JHY: variants seen among roughly 807,000 people sequenced by gnomAD.
JHY encodes jhy protein homolog.
Under a neutral mutation model 78.0 loss-of-function variants are expected in JHY, and 69 were observed. The ratio of observed to expected loss-of-function variants is 0.88; its 90% CI spans 0.73 to 1.08. JHY has a LOEUF of 1.08. Ranked by LOEUF, JHY falls within the 50% of genes least tolerant of loss-of-function variation. The pLI is 0.00. For synonymous variants in JHY, 368 were observed against 342.6 expected, an observed-to-expected ratio of 1.07 and a Z score of -0.82; for missense variants, 944 against 927.8, an observed-to-expected ratio of 1.02 and a Z score of -0.23.
intron 1 of JHY, among the ~76,000 whole-genome samples, chr11:122,885,339 A>G (rs1862473046): frequency 6.6e-6 from 1 of 152,162 alleles, no homozygotes; most frequent in Non-Finnish European, 1.5e-5. Flanking sequence ...ATAGCCCCTG[A>G]ACCTGTTTTA....
intron 5 of JHY, among the ~76,000 whole-genome samples, chr11:122,938,514 A>G (rs556851554): frequency 6.6e-6 from 1 of 152,284 alleles, no homozygotes; most frequent in Non-Finnish European, 1.5e-5. Context: ...TAGATTTTCA[A>G]CAAGGCAAAA....
intron 3 of JHY, among the ~76,000 whole-genome samples, chr11:122,909,721 G>C (rs1863073394): frequency 6.6e-6 from 1 of 152,068 alleles, no homozygotes; most frequent in East Asian, 1.9e-4. Flanking sequence ...AGAGGTTGCA[G>C]TGAGCCAAGA....
At chr11:122,892,952 T>C (rs1862656862) in intron 2 of JHY, among the ~76,000 whole-genome samples, 1 of 152,186 alleles carries the variant, frequency 6.6e-6, no homozygotes, top group Admixed American at 6.5e-5. Context: ...TGAAGTTAGG[T>C]CTAATATGCT....
intron 8 of JHY, 57 bp downstream of exon 8, chr11:122,957,548 T>C (rs1404258688): frequency 6.7e-6 from 10 of 1,486,586 alleles, no homozygotes; most frequent in African/African-American, 3.2e-5. Context: ...AGGAAACTTT[T>C]ATTATCGCTT....
intron 5 of JHY, among the ~76,000 whole-genome samples, chr11:122,944,637 T>C (rs1048570336): frequency 2.0e-5 from 3 of 152,200 alleles, no homozygotes; most frequent in African/African-American, 7.2e-5. Context: ...ATTTAGCCAA[T>C]TGTTTATTAA....
rs1041840063 is a variant in JHY, at chr11:122,935,148, A to T, written c.1634+73A>T. 2.2e-6 allele frequency: 3 copies of T among 1,361,578 alleles called. No homozygotes were observed. The highest frequency in any genetic ancestry group is 2.9e-5 in the African/African-American group (2 of 68,104). The allele number at this position is 1,361,578 out of a possible 1,614,324, so 84.3% of individuals were successfully genotyped here. A position where few individuals can be genotyped will look rare whatever the true frequency, so the allele number is the denominator to read the frequency against. On this transcript the variant is annotated intron_variant, in intron 5 of 8. Coordinates refer to ENST00000227349, the MANE Select transcript of JHY (RefSeq NM_024806.4). This position sits in a 1 kb window ranked among gnomAD's most constrained non-coding sequence, Gnocchi z 4.5. ...ACTGCTGCAGAAAGACGGGAGAGGA[A>T]GAAGGGGAAGGGGAATCCATAAGGT...
intron 2 of JHY, among the ~76,000 whole-genome samples, chr11:122,886,826 T>C (rs1862506604): frequency 6.6e-6 from 1 of 152,188 alleles, no homozygotes; most frequent in South Asian, 2.1e-4. Context: ...TTGCTATGAA[T>C]GTCAATAAAG....
chr11:122,932,397 G>C (rs1863654660), intron 4 of JHY, among the ~76,000 whole-genome samples: 1 of 152,174 alleles, frequency 6.6e-6, no homozygotes, highest in Admixed American at 6.5e-5. Flanking sequence ...CTGTGAACAG[G>C]ATTGTCAGCA....
chr11:122,959,303 A>C lies in JHY; in HGVS notation c.2195A>C (p.Gln732Pro). The C allele has an allele frequency of 2.5e-6, 4 of 1,614,184 alleles. No homozygotes were observed. The highest frequency in any genetic ancestry group is 3.4e-6 in the Non-Finnish European group (4 of 1,180,030). Residue 732 changes from glutamine to proline, a missense_variant, in exon 9 of 9, where the codon CAA (glutamine) becomes CCA (proline). Coordinates refer to ENST00000227349, the MANE Select transcript of JHY (RefSeq NM_024806.4). ...CCCAAACCATCAAATCTGACTCATC[A>C]AGCATCAAAGGAACAAAAAAATCCA... The part of the protein sequence containing the change: ...PKPKPSNLTH[Q>P]ASKEQKNPTY...
intron 3 of JHY, chr11:122,905,049 A>G (rs1862956386): frequency 2.5e-6 from 2 of 814,516 alleles, no homozygotes; most frequent in Admixed American, 2.5e-5. Context: ...AGATGTTTCT[A>G]TAAACCCCAT....
intron 1 of JHY, among the ~76,000 whole-genome samples, chr11:122,884,123 C>T (rs1420836564): frequency 6.6e-6 from 1 of 152,080 alleles, no homozygotes; most frequent in African/African-American, 2.4e-5. Flanking sequence ...TACAACAAAC[C>T]AGTCTGTAAT....
chr11:122,905,054 C>A lies in JHY; in HGVS notation c.864+610C>A, dbSNP rs1453303819. 19 of 811,806 alleles carry A rather than the reference C, an allele frequency of 2.3e-5. No homozygotes were observed. In the East Asian group the frequency reaches 3.4e-4, roughly 15 times the overall value. 50.3% of individuals were successfully genotyped at this position (811,806 alleles called of 1,614,324 possible). A position where few individuals can be genotyped will look rare whatever the true frequency, so the allele number is the denominator to read the frequency against. ...TTCAATCTTCAGATGTTTCTATAAA[C>A]CCCATTGAAAATCACATCATTTGTT... On this transcript the variant is annotated intron_variant, in intron 3 of 8. Coordinates refer to ENST00000227349, the MANE Select transcript of JHY (RefSeq NM_024806.4).
chr11:122,888,489 G>A (rs58424601), intron 2 of JHY, among the ~76,000 whole-genome samples: 75 of 151,858 alleles, frequency 4.9e-4, no homozygotes, highest in African/African-American at 1.6e-3. Context: ...GAAGAAACTC[G>A]TCTAAGGTTA....
intron 2 of JHY, among the ~76,000 whole-genome samples, chr11:122,890,215 A>G (rs1364422211): frequency 6.6e-6 from 1 of 152,194 alleles, no homozygotes; most frequent in African/African-American, 2.4e-5. Context: ...TAGAATGCTT[A>G]TCATGAGCCC....
At chr11:122,922,569 T>TG (rs1345997714) in intron 3 of JHY, among the ~76,000 whole-genome samples, 1 of 150,936 alleles carries the variant, frequency 6.6e-6, no homozygotes, top group Non-Finnish European at 1.5e-5. Context: ...CCCAGCACTT[T>TG]GGAGGCCGAG....
intron 3 of JHY, among the ~76,000 whole-genome samples, chr11:122,911,980 T>G (rs1400747489): frequency 8.5e-5 from 12 of 140,612 alleles, no homozygotes; most frequent in South Asian, 2.3e-4. Flanking sequence ...TTTAATAAAG[T>G]GATGACTTTA....
chr11:122,960,673 A>T lies in JHY; in HGVS notation c.*1228A>T. ...GTAGGGTTACTTGTCTATGTAATTT[A>T]AAAATATGGTGCCTCTATTGGAGAA... On this transcript the variant is annotated 3_prime_UTR_variant, in exon 9 of 9. Coordinates refer to ENST00000227349, the MANE Select transcript of JHY (RefSeq NM_024806.4). The T allele has an allele frequency of 2.7e-6, 1 of 375,090 alleles. No individual in the cohort carries two copies. The highest frequency in any genetic ancestry group is 2.6e-5 in the South Asian group (1 of 37,738). 23.2% of individuals were successfully genotyped at this position (375,090 alleles called of 1,614,324 possible).
Position 122,959,483 on chromosome 11 carries a change from G to A in JHY, c.*38G>A, listed in dbSNP as rs1456560092. ...AGGAAGGAGACCAAAAATGGTCCAG[G>A]AATGAACGTGGAGAAAAGAAACGCC... On this transcript the variant is annotated 3_prime_UTR_variant, in exon 9 of 9. Coordinates refer to ENST00000227349, the MANE Select transcript of JHY (RefSeq NM_024806.4). 11 of 1,587,882 alleles carry A rather than the reference G, an allele frequency of 6.9e-6. No homozygotes were observed. Among genetic ancestry groups the A allele is most frequent in the African/African-American group, 1.4e-5 (1 of 73,878 alleles).
At chr11:122,932,381 A>C (rs1431109780) in intron 4 of JHY, among the ~76,000 whole-genome samples, 1 of 152,196 alleles carries the variant, frequency 6.6e-6, no homozygotes, top group African/African-American at 2.4e-5. Context: ...TTGTTGTCAG[A>C]GCGCCCTGTG....
Sources: allele counts gnomAD v4.1 joint callset (sites outside exome capture counted in the v4.1 genomes callset), GRCh38; gene constraint gnomAD v4.1.1; non-coding constraint Gnocchi (gnomAD v3.1); transcripts MANE v1.5; gene names NCBI Gene and HGNC (gene_info 2026-07-23, HGNC 2026-07-21).